The following RUNX1 variants were observed in gnomAD, a reference collection of about 807,000 sequenced individuals.
RUNX1 encodes runt-related transcription factor 1.
In RUNX1, 19 loss-of-function variants were observed where a neutral mutation model predicts 42.8. That is an observed-to-expected ratio of 0.44 (90% CI 0.31 to 0.65). The LOEUF (loss-of-function observed/expected upper bound fraction) is 0.65. Ranked by LOEUF, RUNX1 falls within the 30% of genes least tolerant of loss-of-function variation. The probability of loss-of-function intolerance (pLI) is 0.07; values close to 1 mark genes in which losing one functional copy is unlikely to be tolerated. For missense variants in RUNX1, 528 were observed against 672.0 expected (o/e 0.79, Z 2.37); for synonymous variants, 271 against 289.4 (o/e 0.94, Z 0.64).
At chr21:34,957,125 C>T (rs1443382667) in intron 2 of RUNX1, among the ~76,000 whole-genome samples, 1 of 152,198 alleles carries the variant, frequency 6.6e-6, no homozygotes, top group African/African-American at 2.4e-5. Context: ...TCACCTGACG[C>T]ATGGCCAGGC....
In RUNX1 at chr21:34,792,382, C is replaced by A. The variant is rs946348885; in HGVS notation, c.1196G>T (p.Ser399Ile). The change falls in exon 9 of 9, where the codon AGC becomes ATC. Residue 399 changes from serine to isoleucine, a missense_variant. Ser to Ile is a moderately radical substitution (Grantham distance 142). Transcript: ENST00000675419. This position sits in a 1 kb window ranked among gnomAD's most constrained non-coding sequence, Gnocchi z 6.9. The stretch of plus-strand genomic sequence containing the variant: ...GTAGTACAGGTGGTAGGAGGGCGAG[C>A]TGGCTTGGAACGGGCCTCCCTGCGC... Reference protein sequence around the residue: ...SQAQGGPFQASSPSYHLYYGA... With the variant: ...SQAQGGPFQAISPSYHLYYGA... The A allele has an allele frequency of 1.2e-5, 19 of 1,566,260 alleles. No individual in the cohort carries two copies. Among genetic ancestry groups the A allele is most frequent in the Admixed American group, 1.1e-4 (6 of 52,214 alleles).
At chr21:34,796,811 A>C (rs975990341) in intron 8 of RUNX1, among the ~76,000 whole-genome samples, 7 of 151,572 alleles carry the variant, frequency 4.6e-5, no homozygotes, top group African/African-American at 1.7e-4. Context: ...TTGAAAAAGA[A>C]AAAAAAAAGT....
intron 6 of RUNX1, among the ~76,000 whole-genome samples, chr21:34,858,644 G>C (rs751050158): frequency 3.3e-5 from 5 of 152,160 alleles, no homozygotes; most frequent in East Asian, 1.9e-4. Context: ...TCCAAGAAGA[G>C]AGTATATTAA....
intron 7 of RUNX1, among the ~76,000 whole-genome samples, chr21:34,803,362 A>G (rs1348816399): frequency 1.3e-5 from 2 of 152,068 alleles, no homozygotes; most frequent in Non-Finnish European, 2.9e-5. Flanking sequence ...CCTCGCTAAC[A>G]CGGTGAAACC....
intron 6 of RUNX1, among the ~76,000 whole-genome samples, chr21:34,849,267 T>TATAA (rs1555892612): frequency 2.3e-4 from 16 of 70,566 alleles, no homozygotes; most frequent in African/African-American, 3.8e-4. Context: ...TATATATATA[T>TATAA]AATATATATA....
chr21:34,844,762 C>T (rs1331474590), intron 6 of RUNX1, among the ~76,000 whole-genome samples: 1 of 152,194 alleles, frequency 6.6e-6, no homozygotes, highest in African/African-American at 2.4e-5. Flanking sequence ...GGGACTTTCC[C>T]AACAGCAGGG....
intron 2 of RUNX1, among the ~76,000 whole-genome samples, chr21:35,010,819 G>C (rs903621686): frequency 6.6e-6 from 1 of 152,112 alleles, no homozygotes; most frequent in Non-Finnish European, 1.5e-5. Context: ...AACTGTTTTT[G>C]GAGTTATTTC....
At chr21:34,962,711 A>G (rs1001519485) in intron 2 of RUNX1, among the ~76,000 whole-genome samples, 1 of 152,234 alleles carries the variant, frequency 6.6e-6, no homozygotes, top group African/African-American at 2.4e-5. Flanking sequence ...CCTCGTTCAC[A>G]GACATACGCA....
intron 2 of RUNX1, among the ~76,000 whole-genome samples, chr21:34,933,467 A>G (rs978141898): frequency 1.3e-5 from 2 of 152,170 alleles, no homozygotes; most frequent in Admixed American, 1.3e-4. Context: ...ACATTTTATG[A>G]GTGGTGGGAT....
At chr21:34,942,897 T>C (rs983142761) in intron 2 of RUNX1, among the ~76,000 whole-genome samples, 1 of 152,176 alleles carries the variant, frequency 6.6e-6, no homozygotes, top group African/African-American at 2.4e-5. Flanking sequence ...TGAAGGAAAG[T>C]TTCCCTCTTT....
At chr21:35,010,845 T>C (rs2834731) in intron 2 of RUNX1, among the ~76,000 whole-genome samples, 33,941 of 152,158 alleles carry the variant, frequency 0.22, 3,960 homozygotes, top group East Asian at 0.42. Flanking sequence ...AGAACTATCA[T>C]TAGAATCATC....
chr21:34,977,255 A>C (rs1424879224), intron 2 of RUNX1, among the ~76,000 whole-genome samples: 1 of 152,224 alleles, frequency 6.6e-6, no homozygotes, highest in African/African-American at 2.4e-5. Context: ...ACTGTACCCA[A>C]AGATCGATGG....
intron 6 of RUNX1, among the ~76,000 whole-genome samples, chr21:34,851,784 G>A (rs1349159192): frequency 2.6e-5 from 4 of 152,214 alleles, no homozygotes; most frequent in African/African-American, 9.7e-5. Context: ...TTGAGAAGGT[G>A]CCTAGATCAT....
intron 2 of RUNX1, among the ~76,000 whole-genome samples, chr21:34,920,952 G>A (rs1158448005): frequency 2.6e-5 from 4 of 152,174 alleles, no homozygotes; most frequent in South Asian, 2.1e-4. Flanking sequence ...TGTGCCTTCC[G>A]GGTTCAAGCG....
intron 2 of RUNX1, among the ~76,000 whole-genome samples, chr21:35,036,226 A>G (rs2059306720): frequency 6.6e-6 from 1 of 152,248 alleles, no homozygotes; most frequent in Non-Finnish European, 1.5e-5. Context: ...TGTTAATTGT[A>G]CATTCTGTAT....
chr21:35,037,561 G>A, intron 2 of RUNX1, among the ~76,000 whole-genome samples: 1 of 152,108 alleles, frequency 6.6e-6, no homozygotes, highest in South Asian at 2.1e-4. Context: ...TCTCAACACC[G>A]ACCTGTCCCC....
At chr21:34,888,352 G>A (rs2058028188) in intron 3 of RUNX1, 63 of 1,065,874 alleles carry the variant, frequency 5.9e-5, no homozygotes, top group Non-Finnish European at 6.9e-5. Context: ...ACACTGCCAC[G>A]CACACGCAAC....
At chr21:34,797,482 C>G (rs1047900346) in intron 8 of RUNX1, among the ~76,000 whole-genome samples, 8 of 152,278 alleles carry the variant, frequency 5.3e-5, no homozygotes, top group Middle Eastern at 3.4e-3. Context: ...ATGACCAAGT[C>G]AAAAGACTTA....
At chr21:34,925,204 C>T (rs1009213337) in intron 2 of RUNX1, among the ~76,000 whole-genome samples, 14 of 152,270 alleles carry the variant, frequency 9.2e-5, no homozygotes, top group African/African-American at 2.9e-4. Context: ...GTTTGGGTTA[C>T]GTATCTGAAA....
Sources: allele counts gnomAD v4.1 joint callset (sites outside exome capture counted in the v4.1 genomes callset), GRCh38; gene constraint gnomAD v4.1.1; non-coding constraint Gnocchi (gnomAD v3.1); transcripts MANE v1.5; gene names NCBI Gene and HGNC (gene_info 2026-07-23, HGNC 2026-07-21).